ACSM3: variants seen among roughly 807,000 people sequenced by gnomAD.
ACSM3 encodes acyl-coenzyme A synthetase ACSM3, mitochondrial.
A neutral mutation model predicts 74.1 loss-of-function variants in ACSM3; 61 were observed. The observed-to-expected ratio is 0.82, with a 90% CI of 0.67 to 1.02. ACSM3 has a LOEUF of 1.02. Ranked by LOEUF, ACSM3 falls within the 50% of genes least tolerant of loss-of-function variation. The pLI is 0.00. For synonymous variants in ACSM3, 213 were observed against 241.5 expected (o/e 0.88, Z 1.09); for missense variants, 660 against 697.0 (o/e 0.95, Z 0.60).
chr16:20,697,427 T>C (rs1173057207), intron 1 of ACSM3, among the ~76,000 whole-genome samples: 1 of 152,102 alleles, frequency 6.6e-6, no homozygotes, highest in Non-Finnish European at 1.5e-5. Flanking sequence ...TACATGTACG[T>C]TCCTATTTAT....
At position 20,770,034 on chromosome 16, in the gene ACSM3, G is replaced by A. The variant is rs2080172089; in HGVS notation, c.-1G>A. On this transcript the variant is annotated 5_prime_UTR_variant, in exon 2 of 14. Transcript: ENST00000289416. ...GAGTGCTAAAGCTTCCAACAAGACT[G>A]ATGCTAGCTCGTGTCACCAGGAAGA... The A allele has an allele frequency of 6.2e-7, 1 of 1,614,140 alleles. No homozygotes were observed. The highest frequency in any genetic ancestry group is 1.7e-5 in the Admixed American group (1 of 60,030).
At chr16:20,700,378 A>G (rs1384097032) in intron 1 of ACSM3, among the ~76,000 whole-genome samples, 1 of 152,142 alleles carries the variant, frequency 6.6e-6, no homozygotes, top group Non-Finnish European at 1.5e-5. Flanking sequence ...GATACTGCCA[A>G]AAAGAAAACA....
chr16:20,756,203 C>T (rs1436128664), intron 3 of ACSM3, among the ~76,000 whole-genome samples: 17 of 151,800 alleles, frequency 1.1e-4, no homozygotes, highest in African/African-American at 4.1e-4. Flanking sequence ...CCTGAGGAAT[C>T]GCCACACTGA....
intron 1 of ACSM3, among the ~76,000 whole-genome samples, chr16:20,704,243 T>C (rs1187572573): frequency 6.6e-6 from 1 of 152,214 alleles, no homozygotes; most frequent in Non-Finnish European, 1.5e-5. Context: ...CAGGCTTATA[T>C]ATGTATTAAT....
intron 8 of ACSM3, 130 bp downstream of exon 8, chr16:20,785,237 C>T (rs1596529438): frequency 1.6e-6 from 2 of 1,280,058 alleles, no homozygotes; most frequent in East Asian, 2.6e-5. Context: ...TTTAAAAAAA[C>T]AATGCTTGCA....
At chr16:20,681,651 T>A (rs1406687868) in intron 1 of ACSM3, 3 of 153,248 alleles carry the variant, frequency 2.0e-5, no homozygotes, top group Admixed American at 6.5e-5. Context: ...GAAGCTCAGC[T>A]CTGTGAAGAG....
chr16:20,708,054 A>G (rs1018386816), intron 1 of ACSM3, among the ~76,000 whole-genome samples: 1 of 152,202 alleles, frequency 6.6e-6, no homozygotes, highest in Non-Finnish European at 1.5e-5. Context: ...TAATCCCAGC[A>G]CTTTGGGAGG....
chr16:20,741,482 C>CGCCG, intron 1 of ACSM3: 1 of 160,352 alleles, frequency 6.2e-6, no homozygotes, highest in Non-Finnish European at 1.3e-5. Flanking sequence ...TGGCAGCCGG[C>CGCCG]CCGCCCGCCC....
At chr16:20,682,789 T>A (rs553080626) in intron 1 of ACSM3, among the ~76,000 whole-genome samples, 1 of 152,228 alleles carries the variant, frequency 6.6e-6, no homozygotes, top group East Asian at 1.9e-4. Context: ...TCTGGAAGTA[T>A]AGATGTAAAC....
At chr16:20,767,209 G>A (rs2080136218) in intron 1 of ACSM3, among the ~76,000 whole-genome samples, 1 of 152,126 alleles carries the variant, frequency 6.6e-6, no homozygotes, top group South Asian at 2.1e-4. Context: ...CATAGGTTGT[G>A]ACTTGCCAGC....
chr16:20,788,670 C>A (rs926471327), intron 9 of ACSM3, among the ~76,000 whole-genome samples: 1 of 152,116 alleles, frequency 6.6e-6, no homozygotes, highest in Non-Finnish European at 1.5e-5. Flanking sequence ...TTTAAATACT[C>A]ATAATTTTCA....
At chr16:20,704,105 T>C (rs1023115876) in intron 1 of ACSM3, among the ~76,000 whole-genome samples, 14 of 152,228 alleles carry the variant, frequency 9.2e-5, no homozygotes, top group African/African-American at 3.4e-4. Context: ...CATTTACACA[T>C]ATATTAATGC....
intron 2 of ACSM3, among the ~76,000 whole-genome samples, chr16:20,770,655 A>G (rs1165991506): frequency 6.6e-6 from 1 of 152,166 alleles, no homozygotes. Context: ...GGAAAGAAAA[A>G]TGATCAGGCT....
chr16:20,720,457 C>T (rs1220383476), intron 1 of ACSM3, among the ~76,000 whole-genome samples: 3 of 152,166 alleles, frequency 2.0e-5, no homozygotes, highest in Admixed American at 6.6e-5. Flanking sequence ...TGACAGGAGG[C>T]GGAGCTCAGG....
At chr16:20,738,908 G>A (rs745594969) in intron 1 of ACSM3, 27 of 1,614,132 alleles carry the variant, frequency 1.7e-5, no homozygotes, top group Non-Finnish European at 2.3e-5. Flanking sequence ...TATCCCAAGT[G>A]TCCTGATGAA....
At chr16:20,736,886 G>A (rs1474946447) in intron 1 of ACSM3, 1 of 1,613,474 alleles carries the variant, frequency 6.2e-7, no homozygotes, top group African/African-American at 1.3e-5. Context: ...CTTCCTATGA[G>A]AAGTCATTTT....
At chr16:20,786,544 A>G (rs1010168140) in intron 9 of ACSM3, among the ~76,000 whole-genome samples, 1 of 152,178 alleles carries the variant, frequency 6.6e-6, no homozygotes, top group Non-Finnish European at 1.5e-5. Flanking sequence ...CTAGCCAGGC[A>G]TGGTGGTACG....
rs1040301253 is a variant in ACSM3 at position 20,790,921 on chromosome 16, G to T, written c.1326+233G>T. The T allele has an allele frequency of 6.2e-7, 1 of 1,614,018 alleles. No homozygotes were observed. Among genetic ancestry groups the T allele is most frequent in the Non-Finnish European group, 8.5e-7 (1 of 1,179,966 alleles). On this transcript the variant is annotated intron_variant, in intron 10 of 13. Coordinates refer to ENST00000289416, the MANE Select transcript of ACSM3 (RefSeq NM_005622.4). This position sits in a 1 kb window ranked among gnomAD's most constrained non-coding sequence, Gnocchi z 4.0. ...CACTGTTCCAGGTCCACGAAGGCAAGAGGAAGGGACCCTAGAAAGAGGACA... is the reference window on the plus strand; with the variant it reads ...CACTGTTCCAGGTCCACGAAGGCAATAGGAAGGGACCCTAGAAAGAGGACA...
At chr16:20,785,163 A>C in intron 8 of ACSM3, 56 bp downstream of exon 8, 1 of 1,601,526 alleles carries the variant, frequency 6.2e-7, no homozygotes, top group Non-Finnish European at 8.5e-7. Flanking sequence ...GATGAATAAA[A>C]ACCAAAGTGT....
Sources: allele counts gnomAD v4.1 joint callset (sites outside exome capture counted in the v4.1 genomes callset), GRCh38; gene constraint gnomAD v4.1.1; non-coding constraint Gnocchi (gnomAD v3.1); transcripts MANE v1.5; gene names NCBI Gene and HGNC (gene_info 2026-07-23, HGNC 2026-07-21).